SGCD: variants seen among roughly 807,000 people sequenced by gnomAD.
SGCD encodes sarcoglycan delta.
Under a neutral mutation model 36.6 loss-of-function variants are expected in SGCD, and 18 were observed. That is an observed-to-expected ratio of 0.49 (90% CI 0.34 to 0.73). The LOEUF (loss-of-function observed/expected upper bound fraction) is 0.73, where lower values mean the gene tolerates loss of function less well. Ranked by LOEUF, SGCD falls within the 30% of genes least tolerant of loss-of-function variation. The pLI is 0.01. For missense variants in SGCD, 387 were observed against 346.7 expected, an observed-to-expected ratio of 1.12 and a Z score of -0.92; for synonymous variants, 133 against 130.6, an observed-to-expected ratio of 1.02 and a Z score of -0.12.
chr5:156,395,970 A>G (rs1771827125), intron 3 of SGCD, among the ~76,000 whole-genome samples: 1 of 152,216 alleles, frequency 6.6e-6, no homozygotes, highest in Non-Finnish European at 1.5e-5. Flanking sequence ...TGCCAACACA[A>G]TGATACTATG....
At chr5:156,373,804 G>T (rs1484678643) in intron 3 of SGCD, among the ~76,000 whole-genome samples, 2 of 152,128 alleles carry the variant, frequency 1.3e-5, no homozygotes, top group African/African-American at 4.8e-5. Flanking sequence ...AGGCCAAGAG[G>T]GTGTGACATA....
At chr5:156,530,868 G>C (rs1033755443) in intron 4 of SGCD, among the ~76,000 whole-genome samples, 1 of 152,248 alleles carries the variant, frequency 6.6e-6, no homozygotes. Context: ...GTGAGCCACC[G>C]TGTCTGGCCG....
chr5:156,454,010 T>C (rs1754142206), intron 3 of SGCD, among the ~76,000 whole-genome samples: 1 of 152,182 alleles, frequency 6.6e-6, no homozygotes, highest in African/African-American at 2.4e-5. Flanking sequence ...GAGTTAGAAG[T>C]GTTCTGTATC....
At chr5:156,016,899 G>T (rs73810395) in intron 1 of SGCD, among the ~76,000 whole-genome samples, 11,502 of 152,138 alleles carry the variant, frequency 0.076, 1,490 homozygotes, top group African/African-American at 0.26. Flanking sequence ...TGTGTTGGAG[G>T]TATACATTTG....
chr5:156,034,039 T>C (rs1297048873), intron 1 of SGCD, among the ~76,000 whole-genome samples: 1 of 152,204 alleles, frequency 6.6e-6, no homozygotes, highest in African/African-American at 2.4e-5. Flanking sequence ...TTTCATCCAC[T>C]GCCCAGAGGT....
At chr5:156,196,865 C>A (rs1249221851) in intron 3 of SGCD, among the ~76,000 whole-genome samples, 1 of 152,126 alleles carries the variant, frequency 6.6e-6, no homozygotes, top group Non-Finnish European at 1.5e-5. Context: ...GTTTCTTGTA[C>A]TTAACGCATC....
chr5:156,515,410 A>G (rs2127886421), intron 4 of SGCD, among the ~76,000 whole-genome samples: 1 of 152,250 alleles, frequency 6.6e-6, no homozygotes, highest in South Asian at 2.1e-4. Context: ...CCCACTGAGA[A>G]GAATGAAGAC....
At chr5:156,458,294 G>A (rs1011169470) in intron 3 of SGCD, 1 of 768,246 alleles carries the variant, frequency 1.3e-6, no homozygotes, top group Admixed American at 2.5e-5. Flanking sequence ...AGAAAATGGG[G>A]TTTTGGAAAT....
chr5:156,669,029 T>G (rs934702561), intron 7 of SGCD, among the ~76,000 whole-genome samples: 7 of 152,050 alleles, frequency 4.6e-5, no homozygotes, highest in African/African-American at 1.7e-4. Flanking sequence ...GAAGGGTGAA[T>G]GGTTTGTCAA....
intron 1 of SGCD, among the ~76,000 whole-genome samples, chr5:156,021,123 T>A (rs1759086774): frequency 6.6e-6 from 1 of 152,216 alleles, no homozygotes; most frequent in Non-Finnish European, 1.5e-5. Flanking sequence ...ATGGTTCCAC[T>A]AATATGCCCC....
intron 4 of SGCD, among the ~76,000 whole-genome samples, chr5:156,565,819 A>G (rs561129986): frequency 6.6e-6 from 1 of 152,062 alleles, no homozygotes; most frequent in Admixed American, 6.6e-5. Context: ...TTTCTGTGTT[A>G]GCTTGCTGAG....
chr5:155,964,234 T>A (rs1295382110), intron 1 of SGCD, among the ~76,000 whole-genome samples: 1 of 152,154 alleles, frequency 6.6e-6, no homozygotes, highest in Non-Finnish European at 1.5e-5. Flanking sequence ...TTTAGATATC[T>A]GTGTTGGGCT....
chr5:155,834,973 T>G, the SGCD span, among the ~76,000 whole-genome samples: 1,001 of 144,918 alleles, frequency 6.9e-3, 11 homozygotes, highest in Non-Finnish European at 8.4e-3. Flanking sequence ...GTAGCTGGGA[T>G]TAAAGGCATG....
At chr5:156,553,530 A>G (rs914387176) in intron 4 of SGCD, among the ~76,000 whole-genome samples, 1 of 151,956 alleles carries the variant, frequency 6.6e-6, no homozygotes, top group Non-Finnish European at 1.5e-5. Flanking sequence ...TATATTTTCT[A>G]TTTTTTACAA....
rs1764195765 is a variant in SGCD, at chr5:156,203,316, A to G, written c.-44+79297A>G. ...AATTTAAATTCTTCAAGATCACCAT[A>G]AGAATGAAGACCACAACATAACAGT... On this transcript the variant is annotated intron_variant, in intron 3 of 9. Transcript: ENST00000517913. Among the ~76,000 whole-genome samples, 3 of 152,134 alleles carry G rather than the reference A, an allele frequency of 2.0e-5. 1 individual carries two copies. The highest frequency in any genetic ancestry group is 2.0e-4 in the Admixed American group (3 of 15,256).
At chr5:155,896,447 G>C in intron 1 of SGCD, among the ~76,000 whole-genome samples, 1 of 141,550 alleles carries the variant, frequency 7.1e-6, no homozygotes, top group African/African-American at 2.7e-5. Context: ...ACCAGCCTGG[G>C]CAACATGGTG....
At chr5:156,096,235 C>A (rs2127595548) in intron 1 of SGCD, among the ~76,000 whole-genome samples, 1 of 152,302 alleles carries the variant, frequency 6.6e-6, no homozygotes, top group East Asian at 1.9e-4. Context: ...CAGGCTTAAA[C>A]CACTAGGATG....
chr5:156,210,330 T>C (rs1215565333), intron 3 of SGCD, among the ~76,000 whole-genome samples: 3 of 152,168 alleles, frequency 2.0e-5, no homozygotes, highest in Non-Finnish European at 4.4e-5. Flanking sequence ...ATAAAGCCGG[T>C]GTGTGAAGAC....
the SGCD span, among the ~76,000 whole-genome samples, chr5:155,818,580 A>G: frequency 3.3e-5 from 5 of 152,130 alleles, no homozygotes; most frequent in Admixed American, 3.3e-4. Flanking sequence ...GAGTGCAGTG[A>G]CAGGATCATG....
Sources: gnomAD v4.1 joint callset for allele counts (sites outside exome capture counted in the v4.1 genomes callset) on GRCh38, gnomAD v4.1.1 for gene constraint, MANE v1.5 for transcripts, NCBI Gene and HGNC (gene_info 2026-07-23, HGNC 2026-07-21) for gene names.